Variants in BNC2 observed in about 807,000 individuals in gnomAD.
BNC2 encodes zinc finger protein basonuclin-2.
In BNC2, 20 loss-of-function variants were observed where a neutral mutation model predicts 76.3. The ratio of observed to expected loss-of-function variants is 0.26; its 90% confidence interval spans 0.18 to 0.38. The LOEUF (loss-of-function observed/expected upper bound fraction) is 0.38, where lower values mean the gene tolerates loss of function less well. BNC2 is among the 10% of genes least tolerant of loss of function. BNC2 has a pLI of 1.00. For synonymous variants in BNC2, 582 were observed against 514.8 expected, an observed-to-expected ratio of 1.13 and a Z score of -1.77; for missense variants, 1,382 against 1,399.8, an observed-to-expected ratio of 0.99 and a Z score of 0.20.
chr9:16,826,121 TTA>T (rs1818449218), intron 1 of BNC2, among the ~76,000 whole-genome samples: 2 of 152,126 alleles, frequency 1.3e-5, no homozygotes, highest in South Asian at 2.1e-4. Context: ...CAGCTGGATC[TTA>T]CTTACCACCA....
rs118164387 is a variant in BNC2 at position 16,615,187 on chromosome 9, A to G, written c.331-32102T>C. Among the ~76,000 whole-genome samples the G allele has an allele frequency of 2.0e-5, 3 of 152,210 alleles. No individual in the cohort carries two copies. The East Asian group carries it at 5.8e-4, about 29-fold the overall frequency. On this transcript the variant is annotated intron_variant, in intron 3 of 6. Coordinates refer to ENST00000380672, the MANE Select transcript of BNC2 (RefSeq NM_017637.6). ...ATGGTGGGCAGCTCATAGGTAATTTAGCAGGTAAGTTTACAATTCTGCCCC... is the reference window on the plus strand; with the variant it reads ...ATGGTGGGCAGCTCATAGGTAATTTGGCAGGTAAGTTTACAATTCTGCCCC...
intron 5 of BNC2, among the ~76,000 whole-genome samples, chr9:16,514,022 A>G (rs1021419685): frequency 1.3e-5 from 2 of 152,214 alleles, no homozygotes; most frequent in Non-Finnish European, 2.9e-5. Context: ...GATAAGCAGG[A>G]ATCACCTATA....
At chr9:16,672,475 C>T (rs577745948) in intron 3 of BNC2, among the ~76,000 whole-genome samples, 5 of 151,814 alleles carry the variant, frequency 3.3e-5, no homozygotes, top group African/African-American at 7.3e-5. Context: ...CCAGCCTGGG[C>T]GACAGAGCAA....
At chr9:16,586,140 G>A (rs565438907) in intron 3 of BNC2, among the ~76,000 whole-genome samples, 10 of 151,870 alleles carry the variant, frequency 6.6e-5, no homozygotes, top group African/African-American at 2.4e-4. Flanking sequence ...TTCACAGAAT[G>A]TACCACATAC....
In BNC2 at chr9:16,413,717, C is replaced by G. The variant is rs891814503; in HGVS notation, c.*5272G>C. On this transcript the variant is annotated 3_prime_UTR_variant, in exon 7 of 7. Coordinates refer to ENST00000380672, the MANE Select transcript of BNC2 (RefSeq NM_017637.6). The stretch of plus-strand genomic sequence containing the variant: ...AATATGCGACTCGTCTGGGACAGAT[C>G]AAACATGACCTTAGTACTAACGCAA... The G allele has an allele frequency of 2.0e-5, 3 of 152,158 alleles. No individual in the cohort carries two copies. The highest frequency in any genetic ancestry group is 4.4e-5 in the Non-Finnish European group (3 of 68,042). 9.4% of individuals were successfully genotyped at this position (152,158 alleles called of 1,614,324 possible).
chr9:16,794,371 G>C (rs906818206), intron 1 of BNC2, among the ~76,000 whole-genome samples: 1 of 152,118 alleles, frequency 6.6e-6, no homozygotes, highest in Non-Finnish European at 1.5e-5. Flanking sequence ...CATTAATCTT[G>C]AGATATCTCC....
chr9:16,498,020 T>C (rs1587098487), intron 5 of BNC2, among the ~76,000 whole-genome samples: 2 of 149,784 alleles, frequency 1.3e-5, no homozygotes, highest in African/African-American at 4.9e-5. Context: ...TGTGTGTGTA[T>C]GTATTCCACC....
intron 5 of BNC2, among the ~76,000 whole-genome samples, chr9:16,485,327 T>C (rs1175016252): frequency 2.0e-5 from 3 of 152,198 alleles, no homozygotes; most frequent in Non-Finnish European, 4.4e-5. Flanking sequence ...GCTTTCATCC[T>C]GCTCTGATTA....
At chr9:16,855,117 C>T (rs1000687490) in intron 1 of BNC2, among the ~76,000 whole-genome samples, 2 of 151,436 alleles carry the variant, frequency 1.3e-5, no homozygotes, top group Non-Finnish European at 2.9e-5. Flanking sequence ...TATACAGATA[C>T]ATACATGTTC....
At chr9:16,491,855 C>T (rs944810324) in intron 5 of BNC2, among the ~76,000 whole-genome samples, 2 of 152,122 alleles carry the variant, frequency 1.3e-5, no homozygotes, top group Non-Finnish European at 2.9e-5. Context: ...TAATCAAAAT[C>T]GTTTTTCTTC....
intron 5 of BNC2, among the ~76,000 whole-genome samples, chr9:16,478,896 A>G (rs1381076103): frequency 2.0e-5 from 3 of 152,230 alleles, no homozygotes; most frequent in African/African-American, 7.2e-5. Flanking sequence ...TATTAAACAG[A>G]TGACCAATAA....
chr9:16,539,844 G>A (rs893430063), intron 5 of BNC2, among the ~76,000 whole-genome samples: 5 of 150,514 alleles, frequency 3.3e-5, no homozygotes, highest in African/African-American at 1.2e-4. Flanking sequence ...GAAGGGAAGG[G>A]AAGGGAAAGG....
chr9:16,492,377 G>A (rs1822296609), intron 5 of BNC2, among the ~76,000 whole-genome samples: 1 of 152,174 alleles, frequency 6.6e-6, no homozygotes, highest in South Asian at 2.1e-4. Context: ...AAAGGCCTTG[G>A]CTAATCTCAA....
chr9:16,801,595 G>T (rs1348851432), intron 1 of BNC2, among the ~76,000 whole-genome samples: 2 of 151,914 alleles, frequency 1.3e-5, no homozygotes, highest in East Asian at 1.9e-4. Flanking sequence ...TAAACCTCAA[G>T]TACTTAACCT....
intron 1 of BNC2, among the ~76,000 whole-genome samples, chr9:16,839,247 G>T (rs1586924775): frequency 6.6e-6 from 1 of 152,290 alleles, no homozygotes; most frequent in South Asian, 2.1e-4. Context: ...AATCTTAGTT[G>T]CTTTCAATAC....
At chr9:16,745,259 A>G (rs1182235225) in intron 1 of BNC2, among the ~76,000 whole-genome samples, 1 of 152,224 alleles carries the variant, frequency 6.6e-6, no homozygotes, top group Non-Finnish European at 1.5e-5. Flanking sequence ...AGAAGACCAC[A>G]GGCCAAGTTT....
chr9:16,809,577 C>T (rs1400685801), intron 1 of BNC2, among the ~76,000 whole-genome samples: 2 of 152,080 alleles, frequency 1.3e-5, no homozygotes, highest in Non-Finnish European at 2.9e-5. Flanking sequence ...CAATGCACAG[C>T]AATTCAGGAG....
chr9:16,542,639 G>T (rs925605099), intron 5 of BNC2, among the ~76,000 whole-genome samples: 1 of 152,214 alleles, frequency 6.6e-6, no homozygotes, highest in Non-Finnish European at 1.5e-5. Context: ...GCAAACATCA[G>T]ACAAATCAAG....
chr9:16,451,029 T>C (rs2131060417), intron 5 of BNC2, among the ~76,000 whole-genome samples: 1 of 149,602 alleles, frequency 6.7e-6, no homozygotes, highest in African/African-American at 2.5e-5. Flanking sequence ...TCTATGGATG[T>C]ACAGCTGAGT....
Sources: allele counts gnomAD v4.1 joint callset (sites outside exome capture counted in the v4.1 genomes callset), GRCh38; gene constraint gnomAD v4.1.1; transcripts MANE v1.5; gene names NCBI Gene and HGNC (gene_info 2026-07-23, HGNC 2026-07-21).